PPCS: variants seen among roughly 807,000 people sequenced by gnomAD.
The protein encoded by PPCS is phosphopantothenate--cysteine ligase.
Under a neutral mutation model 24.6 loss-of-function variants are expected in PPCS, and 17 were observed. The observed-to-expected ratio is 0.69, with a 90% CI of 0.47 to 1.04. The LOEUF (loss-of-function observed/expected upper bound fraction) is 1.04, where lower values mean the gene tolerates loss of function less well. Among genes scored for constraint, PPCS ranks in the 50% least tolerant of loss-of-function variants. PPCS has a pLI of 0.00. For synonymous variants in PPCS, 190 were observed against 168.3 expected, an observed-to-expected ratio of 1.13 and a Z score of -1.00; for missense variants, 360 against 402.8, an observed-to-expected ratio of 0.89 and a Z score of 0.91.
chr1:42,461,488 A>G (rs1041473637), downstream of PPCS, among the ~76,000 whole-genome samples: 1 of 151,556 alleles, frequency 6.6e-6, no homozygotes, highest in Non-Finnish European at 1.5e-5. Flanking sequence ...GGTGTGTGCC[A>G]CCATGCCTGG....
In PPCS at chr1:42,457,091, A is replaced by T; in HGVS notation, c.508+18A>T. 1 of 1,580,874 alleles carries T rather than the reference A, an allele frequency of 6.3e-7. No homozygotes were observed. The highest frequency in any genetic ancestry group is 8.6e-7 in the Non-Finnish European group (1 of 1,166,944). On this transcript the variant is annotated intron_variant, in intron 1 of 2. Coordinates refer to ENST00000372561, the MANE Select transcript of PPCS (RefSeq NM_024664.4). ...TCCGCTAGGTGCGTGCCCTAGGAGT[A>T]CCCCTTTTGCCTGGAAGCACAGCCT...
At chr1:42,459,426 G>C in intron 2 of PPCS, 177 bp from the exon 3 acceptor site, 1 of 633,676 alleles carries the variant, frequency 1.6e-6, no homozygotes. Flanking sequence ...CTTCCAAAGT[G>C]CTGGGATTAC....
In PPCS at chr1:42,459,981, AACT is replaced by A; in HGVS notation, c.*58_*60del. On this transcript the variant is annotated 3_prime_UTR_variant, in exon 3 of 3. Transcript: ENST00000372561. ...GTTCAGGGCTCTTAGAGATGGTGAA[AACT>A]ACAAAAAAAACCATGGCTTTCATAT... is the stretch of plus-strand genomic sequence containing the variant. 2.6e-6 allele frequency: 4 copies of A among 1,517,164 alleles called. No homozygotes were observed. The highest frequency in any genetic ancestry group is 3.5e-6 in the Non-Finnish European group (4 of 1,140,542). The allele number at this position is 1,517,164 out of a possible 1,614,324, so 94.0% of individuals were successfully genotyped here.
chr1:42,465,147 CA>C (rs955309338), downstream of PPCS, among the ~76,000 whole-genome samples: 1 of 151,980 alleles, frequency 6.6e-6, no homozygotes, highest in African/African-American at 2.4e-5. Context: ...CCTGACTCTA[CA>C]AAAAATGCAA....
At chr1:42,464,232 T>A (rs1017768387), downstream of PPCS, 1 of 152,198 alleles carries the variant, frequency 6.6e-6, no homozygotes, top group African/African-American at 2.4e-5. Context: ...ATATAAACAT[T>A]AAATACTGTA....
chr1:42,461,550 C>T (rs1398853103), downstream of PPCS, among the ~76,000 whole-genome samples: 17 of 140,580 alleles, frequency 1.2e-4, no homozygotes, highest in African/African-American at 4.2e-4. Flanking sequence ...TACCCAGGCT[C>T]TTTTTTTTTT....
intron 2 of PPCS, among the ~76,000 whole-genome samples, chr1:42,467,563 T>C (rs1309829160): frequency 3.3e-5 from 5 of 152,078 alleles, no homozygotes; most frequent in Non-Finnish European, 7.4e-5. Flanking sequence ...GAGGGAAAGA[T>C]GAATGGGTTG....
At chr1:42,461,688 A>G (rs949769816), downstream of PPCS, among the ~76,000 whole-genome samples, 1 of 151,892 alleles carries the variant, frequency 6.6e-6, no homozygotes. Flanking sequence ...CTGGGACTAC[A>G]GGCGCCCGCC....
chr1:42,457,284 A>C lies in PPCS; in HGVS notation c.546A>C (p.Ser182=), dbSNP rs767878758. The C allele has an allele frequency of 1.2e-6, 2 of 1,614,184 alleles. No individual in the cohort carries two copies. Among genetic ancestry groups the C allele is most frequent in the South Asian group, 1.1e-5 (1 of 91,086 alleles). Residue 182 remains serine, a synonymous_variant, in exon 2 of 3, where the codon TCA becomes TCC. Coordinates refer to ENST00000372561, the MANE Select transcript of PPCS (RefSeq NM_024664.4). ...SAMFYLAAAV[S]DFYVPVSEMP... ...TGTTTTACCTGGCTGCGGCTGTGTC[A>C]GATTTCTATGTTCCTGTCTCTGAAA...
downstream of PPCS, among the ~76,000 whole-genome samples, chr1:42,461,732 A>G (rs1228579382): frequency 4.6e-5 from 7 of 151,896 alleles, no homozygotes; most frequent in African/African-American, 9.7e-5. Flanking sequence ...TTTTTAGTAG[A>G]GATGGGGTTT....
intron 2 of PPCS, among the ~76,000 whole-genome samples, chr1:42,472,633 A>C (rs1490739417): frequency 6.6e-6 from 1 of 152,128 alleles, no homozygotes; most frequent in Non-Finnish European, 1.5e-5. Context: ...AAACTTTAGA[A>C]CAGACAGAAA....
chr1:42,456,552 CCGCTG>C lies in PPCS; in HGVS notation c.-7_-3del. On this transcript the variant is annotated 5_prime_UTR_variant, in exon 1 of 3. Coordinates refer to ENST00000372561, the MANE Select transcript of PPCS (RefSeq NM_024664.4). The stretch of plus-strand genomic sequence containing the variant: ...GCCGCGAAACGTGCGCAGGCGCCGG[CCGCTG>C]CGCTGCAGATGGCGGAAATGGATCC... 6.9e-7 allele frequency: 1 copy of C among 1,456,204 alleles called. No homozygotes were observed. The highest frequency in any genetic ancestry group is 1.4e-5 in the South Asian group (1 of 70,176). 90.2% of individuals were successfully genotyped at this position (1,456,204 alleles called of 1,614,324 possible).
intron 2 of PPCS, among the ~76,000 whole-genome samples, chr1:42,458,762 A>C (rs182099140): frequency 6.6e-6 from 1 of 152,216 alleles, no homozygotes; most frequent in Non-Finnish European, 1.5e-5. Context: ...TAACAAAGCA[A>C]CTGAACATTA....
chr1:42,461,811 C>T (rs1643420578), downstream of PPCS, among the ~76,000 whole-genome samples: 2 of 152,136 alleles, frequency 1.3e-5, no homozygotes, highest in Non-Finnish European at 2.9e-5. Context: ...TTCCAAAGTG[C>T]TGGCATTACA....
exon 3 of PPCS, chr1:42,473,238 A>G (rs1643826439): frequency 1.6e-6 from 2 of 1,231,460 alleles, no homozygotes; most frequent in African/African-American, 1.6e-5. Context: ...CAGTGAAGAC[A>G]GGCTGAGGAC....
chr1:42,471,486 A>G (rs1042577005), intron 2 of PPCS, among the ~76,000 whole-genome samples: 2 of 152,010 alleles, frequency 1.3e-5, no homozygotes, highest in African/African-American at 4.8e-5. Context: ...ATACTTTTGC[A>G]TTGTGCTTTT....
At position 42,460,554 on chromosome 1, in the gene PPCS, A is replaced by G. The variant is rs147625771; in HGVS notation, c.*628A>G. The stretch of plus-strand genomic sequence containing the variant: ...TGTAGATTCACCTCATGTTTGGGTA[A>G]TAGTTTACATTTCAAGTATTTTAGG... On this transcript the variant is annotated 3_prime_UTR_variant, in exon 3 of 3. Coordinates refer to ENST00000372561, the MANE Select transcript of PPCS (RefSeq NM_024664.4). The G allele has an allele frequency of 4.2e-3, 819 of 195,978 alleles. 5 individuals are homozygous for G. Among genetic ancestry groups the G allele is most frequent in the African/African-American group, 0.018 (766 of 42,322 alleles). The allele number at this position is 195,978 out of a possible 1,614,324, so 12.1% of individuals were successfully genotyped here. A position where few individuals can be genotyped will look rare whatever the true frequency, so the allele number is the denominator to read the frequency against.
At chr1:42,465,144 C>T (rs1193567404), downstream of PPCS, among the ~76,000 whole-genome samples, 1 of 152,096 alleles carries the variant, frequency 6.6e-6, no homozygotes, top group Non-Finnish European at 1.5e-5. Flanking sequence ...AAACCTGACT[C>T]TACAAAAAAT....
downstream of PPCS, chr1:42,464,082 C>T (rs1643491279): frequency 6.6e-6 from 1 of 152,252 alleles, no homozygotes; most frequent in South Asian, 2.1e-4. Context: ...TTCTGCTTTC[C>T]TGCTACAATG....
Sources: allele counts gnomAD v4.1 joint callset (sites outside exome capture counted in the v4.1 genomes callset), GRCh38; gene constraint gnomAD v4.1.1; transcripts MANE v1.5; gene names NCBI Gene and HGNC (gene_info 2026-07-23, HGNC 2026-07-21).